The following SEMA5A variants were observed in gnomAD, a reference collection of about 807,000 sequenced individuals.
The protein encoded by SEMA5A is semaphorin 5A.
A neutral mutation model predicts 135.5 loss-of-function variants in SEMA5A; 55 were observed. The observed-to-expected ratio is 0.41, with a 90% CI of 0.33 to 0.51. The LOEUF (loss-of-function observed/expected upper bound fraction) is 0.51. Ranked by LOEUF, SEMA5A falls within the 20% of genes least tolerant of loss-of-function variation. The pLI is 0.37. For synonymous variants in SEMA5A, 580 were observed against 546.5 expected (o/e 1.06, Z -0.85); for missense variants, 1,290 against 1,419.9 (o/e 0.91, Z 1.47).
At chr5:9,172,842 A>G (rs1744001454) in intron 11 of SEMA5A, among the ~76,000 whole-genome samples, 1 of 152,232 alleles carries the variant, frequency 6.6e-6, no homozygotes, top group African/African-American at 2.4e-5. Flanking sequence ...TTAATTCCTC[A>G]AAGAAACATA....
At chr5:9,127,815 G>A (rs961342819) in intron 13 of SEMA5A, among the ~76,000 whole-genome samples, 2 of 152,140 alleles carry the variant, frequency 1.3e-5, no homozygotes, top group Non-Finnish European at 2.9e-5. Context: ...AATGACCAGG[G>A]AGGTTCCTAG....
chr5:9,389,592 G>A (rs1756060392), intron 2 of SEMA5A, among the ~76,000 whole-genome samples: 1 of 152,068 alleles, frequency 6.6e-6, no homozygotes, highest in African/African-American at 2.4e-5. Context: ...TCCTCATTTT[G>A]TGAGTGTCTT....
intron 2 of SEMA5A, among the ~76,000 whole-genome samples, chr5:9,387,756 A>G (rs1363423399): frequency 6.6e-6 from 1 of 152,250 alleles, no homozygotes; most frequent in Non-Finnish European, 1.5e-5. Context: ...AAGTAAACAG[A>G]TTCTTCTAAT....
At chr5:9,194,177 A>G (rs1255506653) in intron 10 of SEMA5A, among the ~76,000 whole-genome samples, 1 of 152,188 alleles carries the variant, frequency 6.6e-6, no homozygotes, top group Non-Finnish European at 1.5e-5. Context: ...GGTCTGGATG[A>G]CTTTGAGGAC....
At chr5:9,235,426 G>C (rs1270156127) in intron 6 of SEMA5A, among the ~76,000 whole-genome samples, 2 of 152,174 alleles carry the variant, frequency 1.3e-5, no homozygotes, top group Non-Finnish European at 2.9e-5. Context: ...CCATGTCAAA[G>C]CATAATCTGG....
chr5:9,426,397 C>T (rs542312473), intron 2 of SEMA5A, among the ~76,000 whole-genome samples: 1 of 128,350 alleles, frequency 7.8e-6, no homozygotes, highest in South Asian at 2.3e-4. Context: ...TGCACTCCAG[C>T]CCTGGCAACA....
chr5:9,076,943 C>T (rs529911065), intron 16 of SEMA5A, among the ~76,000 whole-genome samples: 9 of 151,136 alleles, frequency 6.0e-5, no homozygotes, highest in African/African-American at 2.2e-4. Context: ...TTTAAAATCA[C>T]TTATGTCTCT....
intron 5 of SEMA5A, among the ~76,000 whole-genome samples, chr5:9,264,404 A>G (rs996026895): frequency 6.6e-6 from 1 of 152,190 alleles, no homozygotes; most frequent in Non-Finnish European, 1.5e-5. Context: ...ACATTAAACC[A>G]TCTAGGCTCC....
intron 15 of SEMA5A, among the ~76,000 whole-genome samples, chr5:9,109,101 C>G (rs1397664565): frequency 5.7e-5 from 7 of 122,122 alleles, no homozygotes; most frequent in African/African-American, 1.6e-4. Flanking sequence ...AGTGCAGTGG[C>G]GTGATCTCGG....
chr5:9,369,207 G>A (rs768994481), intron 3 of SEMA5A, among the ~76,000 whole-genome samples: 1 of 152,044 alleles, frequency 6.6e-6, no homozygotes, highest in Non-Finnish European at 1.5e-5. Flanking sequence ...CTGGACACAA[G>A]ACCACATATA....
intron 11 of SEMA5A, among the ~76,000 whole-genome samples, chr5:9,158,531 C>T (rs2150273431): frequency 6.6e-6 from 1 of 151,854 alleles, no homozygotes; most frequent in Admixed American, 6.6e-5. Flanking sequence ...TAGGCATTTC[C>T]TGTCCATTTC....
intron 2 of SEMA5A, among the ~76,000 whole-genome samples, chr5:9,433,066 T>A (rs542641763): frequency 6.6e-6 from 1 of 152,194 alleles, no homozygotes; most frequent in African/African-American, 2.4e-5. Context: ...AGGAGAAGTG[T>A]GTTTCTGGGA....
At chr5:9,372,274 G>T (rs1031232210) in intron 3 of SEMA5A, among the ~76,000 whole-genome samples, 2 of 152,232 alleles carry the variant, frequency 1.3e-5, no homozygotes, top group African/African-American at 4.8e-5. Context: ...CAACTGCTTG[G>T]TGCATTAGAC....
intron 5 of SEMA5A, among the ~76,000 whole-genome samples, chr5:9,265,011 T>C (rs1049544949): frequency 7.2e-5 from 11 of 152,172 alleles, no homozygotes; most frequent in Admixed American, 4.6e-4. Flanking sequence ...CCTTCTAATC[T>C]TACTTTGGGA....
intron 8 of SEMA5A, among the ~76,000 whole-genome samples, chr5:9,203,370 G>A (rs867782821): frequency 1.3e-5 from 2 of 152,240 alleles, no homozygotes; most frequent in Middle Eastern, 3.4e-3. Flanking sequence ...CAATTCAATT[G>A]GCCTTGTACC....
At chr5:9,498,924 G>A (rs1254601020) in intron 1 of SEMA5A, 1 of 152,184 alleles carries the variant, frequency 6.6e-6, no homozygotes, top group Non-Finnish European at 1.5e-5. Context: ...AACAATTACA[G>A]AATTCACTCT....
intron 1 of SEMA5A, among the ~76,000 whole-genome samples, chr5:9,525,790 A>T (rs997485747): frequency 6.6e-6 from 1 of 152,236 alleles, no homozygotes; most frequent in Non-Finnish European, 1.5e-5. Flanking sequence ...GAGAAATTGT[A>T]TCTTTTTTTC....
intron 3 of SEMA5A, among the ~76,000 whole-genome samples, chr5:9,340,117 C>G (rs1216460769): frequency 6.6e-6 from 1 of 152,150 alleles, no homozygotes; most frequent in East Asian, 1.9e-4. Flanking sequence ...GAAAAATTTC[C>G]AATGGTAGGT....
chr5:9,172,953 A>C (rs1744007276), intron 11 of SEMA5A, among the ~76,000 whole-genome samples: 1 of 152,212 alleles, frequency 6.6e-6, no homozygotes, highest in Admixed American at 6.5e-5. Flanking sequence ...AAATGGTTTA[A>C]AACTTTCAAA....
Sources: allele counts gnomAD v4.1 joint callset (sites outside exome capture counted in the v4.1 genomes callset), GRCh38; gene constraint gnomAD v4.1.1; transcripts MANE v1.5; gene names NCBI Gene and HGNC (gene_info 2026-07-23, HGNC 2026-07-21).